Variants in COL19A1 observed in about 807,000 individuals in gnomAD.
COL19A1 encodes the protein collagen type XIX alpha 1 chain, also known as collagen alpha-1(XIX) chain.
A neutral mutation model predicts 190.2 loss-of-function variants in COL19A1; 159 were observed. The ratio of observed to expected loss-of-function variants is 0.84; its 90% CI spans 0.73 to 0.95. The LOEUF is 0.95. Among genes scored for constraint, COL19A1 ranks in the 40% least tolerant of loss-of-function variants. The pLI is 0.00. For missense variants in COL19A1, 1,418 were observed against 1,431.9 expected, an observed-to-expected ratio of 0.99 and a Z score of 0.16; for synonymous variants, 509 against 458.9, an observed-to-expected ratio of 1.11 and a Z score of -1.39.
intron 41 of COL19A1, among the ~76,000 whole-genome samples, chr6:70,173,109 G>C (rs1765592308): frequency 6.6e-6 from 1 of 152,224 alleles, no homozygotes; most frequent in South Asian, 2.1e-4. Flanking sequence ...AATGAGGACA[G>C]CTATGAGCAA....
chr6:70,189,179 G>A (rs1465417052), intron 47 of COL19A1, among the ~76,000 whole-genome samples: 1 of 151,942 alleles, frequency 6.6e-6, no homozygotes, highest in Non-Finnish European at 1.5e-5. Context: ...TCAGTTTGTT[G>A]TTACAAATGA....
chr6:70,195,163 A>ATATAT (rs1767122453), intron 48 of COL19A1, among the ~76,000 whole-genome samples: 1 of 147,116 alleles, frequency 6.8e-6, no homozygotes, highest in Non-Finnish European at 1.5e-5. Context: ...ATATATATAT[A>ATATAT]AAGAGTTAAA....
In COL19A1 at chr6:69,940,074, GA is replaced by G. The variant is rs371417700; in HGVS notation, c.936+1985del. Among the ~76,000 whole-genome samples, 474 of 145,856 alleles carry G rather than the reference GA, an allele frequency of 3.2e-3. 5 individuals carry two copies. Among genetic ancestry groups the G allele is most frequent in the African/African-American group, 9.4e-3 (376 of 40,144 alleles). On this transcript the variant is annotated intron_variant, in intron 9 of 50. Coordinates refer to ENST00000620364, the MANE Select transcript of COL19A1 (RefSeq NM_001858.6). ...TTTTAGGAAAAATACCCTGCCCACT[GA>G]AAAAAAAAAATCTATGTCATAAGTA...
intron 19 of COL19A1, among the ~76,000 whole-genome samples, chr6:70,140,733 A>G (rs1187181331): frequency 6.6e-6 from 1 of 152,094 alleles, no homozygotes; most frequent in Non-Finnish European, 1.5e-5. Flanking sequence ...TGATGTTAGA[A>G]TGATTAACTC....
At chr6:69,947,988 A>T (rs1220644831) in intron 9 of COL19A1, among the ~76,000 whole-genome samples, 1 of 151,832 alleles carries the variant, frequency 6.6e-6, no homozygotes, top group African/African-American at 2.4e-5. Context: ...CTTCATCATA[A>T]ATAAAAGCTT....
chr6:70,048,360 C>T (rs1267018974), intron 14 of COL19A1, among the ~76,000 whole-genome samples: 1 of 152,058 alleles, frequency 6.6e-6, no homozygotes, highest in African/African-American at 2.4e-5. Context: ...AAAATAACTG[C>T]TCAGTAAGTG....
At chr6:70,169,404 C>G (rs1765368671) in intron 40 of COL19A1, among the ~76,000 whole-genome samples, 1 of 151,910 alleles carries the variant, frequency 6.6e-6, no homozygotes, top group East Asian at 1.9e-4. Context: ...TCAAATGTAC[C>G]TAAAGCTGAA....
intron 24 of COL19A1, 36 bp from the exon 25 acceptor site, chr6:70,144,882 A>G: frequency 7.6e-7 from 1 of 1,318,472 alleles, no homozygotes; most frequent in South Asian, 1.3e-5. Flanking sequence ...CATGAACCTG[A>G]GCATCAAAGT....
At chr6:70,134,968 G>A (rs920289436) in intron 18 of COL19A1, among the ~76,000 whole-genome samples, 4 of 152,000 alleles carry the variant, frequency 2.6e-5, no homozygotes, top group African/African-American at 4.8e-5. Flanking sequence ...CGAAAGCCCC[G>A]TGTTGTTTTA....
At chr6:70,077,791 A>G (rs1030317697) in intron 15 of COL19A1, among the ~76,000 whole-genome samples, 4 of 143,002 alleles carry the variant, frequency 2.8e-5, no homozygotes, top group African/African-American at 1.1e-4. Flanking sequence ...TTGAATGTGC[A>G]TAAAATTCAA....
At chr6:70,104,130 T>C (rs1282763899) in intron 16 of COL19A1, among the ~76,000 whole-genome samples, 1 of 152,160 alleles carries the variant, frequency 6.6e-6, no homozygotes, top group Non-Finnish European at 1.5e-5. Flanking sequence ...AATGCATTGG[T>C]GCCAATTGAT....
chr6:70,142,536 T>TGA (rs1786326048), intron 22 of COL19A1, among the ~76,000 whole-genome samples: 2 of 152,172 alleles, frequency 1.3e-5, no homozygotes, highest in Non-Finnish European at 2.9e-5. Context: ...TAGGGCAAGT[T>TGA]ACCAGGTATC....
At chr6:70,137,651 T>C (rs770841878) in intron 18 of COL19A1, 34 bp from the exon 19 acceptor site, 1 of 1,604,290 alleles carries the variant, frequency 6.2e-7, no homozygotes, top group East Asian at 2.2e-5. Context: ...TCTCTAACCA[T>C]CTGCAAAATC....
chr6:70,136,343 C>T (rs2150229395), intron 18 of COL19A1, among the ~76,000 whole-genome samples: 1 of 152,248 alleles, frequency 6.6e-6, no homozygotes. Context: ...TAGAGATGTT[C>T]ACTGCAGCCT....
chr6:69,992,263 G>A (rs1323965809), intron 11 of COL19A1, among the ~76,000 whole-genome samples: 1 of 152,000 alleles, frequency 6.6e-6, no homozygotes, highest in Admixed American at 6.6e-5. Context: ...CTATGTGCTT[G>A]TTTTTGTACC....
At chr6:70,061,427 G>A (rs1047935703) in intron 14 of COL19A1, among the ~76,000 whole-genome samples, 1 of 151,884 alleles carries the variant, frequency 6.6e-6, no homozygotes, top group Non-Finnish European at 1.5e-5. Context: ...AAAGTGTGGA[G>A]GAGGAGATCA....
intron 4 of COL19A1, among the ~76,000 whole-genome samples, chr6:69,910,467 A>G (rs940605061): frequency 6.6e-6 from 1 of 152,198 alleles, no homozygotes; most frequent in African/African-American, 2.4e-5. Context: ...ATTAATTTCT[A>G]CTTTATTATG....
intron 11 of COL19A1, among the ~76,000 whole-genome samples, chr6:70,022,834 T>C (rs1172326679): frequency 6.6e-6 from 1 of 152,230 alleles, no homozygotes; most frequent in African/African-American, 2.4e-5. Context: ...CATTAACTAG[T>C]TTCCTATTAT....
At chr6:69,923,851 CAT>C (rs1347449386) in intron 4 of COL19A1, among the ~76,000 whole-genome samples, 2 of 152,152 alleles carry the variant, frequency 1.3e-5, no homozygotes, top group Non-Finnish European at 2.9e-5. Context: ...CTGTCACACA[CAT>C]AGGCCTTCAG....
Sources: gnomAD v4.1 joint callset for allele counts (sites outside exome capture counted in the v4.1 genomes callset) on GRCh38, gnomAD v4.1.1 for gene constraint, MANE v1.5 for transcripts, NCBI Gene and HGNC (gene_info 2026-07-23, HGNC 2026-07-21) for gene names.